ABCB11: variants seen among roughly 807,000 people sequenced by gnomAD.
ABCB11 encodes ATP binding cassette subfamily B member 11, also known as bile salt export pump.
Under a neutral mutation model 148.0 loss-of-function variants are expected in ABCB11, and 95 were observed. The observed-to-expected ratio is 0.64, with a 90% CI of 0.54 to 0.76. The LOEUF is 0.76. Ranked by LOEUF, ABCB11 falls within the 30% of genes least tolerant of loss-of-function variation. The probability of loss-of-function intolerance (pLI) is 0.00; values close to 1 mark genes in which losing one functional copy is unlikely to be tolerated. For missense variants in ABCB11, 1,523 were observed against 1,617.8 expected (o/e 0.94, Z 1.01); for synonymous variants, 591 against 555.4 (o/e 1.06, Z -0.90).
chr2:168,976,707 G>A lies in ABCB11; in HGVS notation c.1198-20C>T. 6.7e-7 allele frequency: 1 copy of A among 1,488,978 alleles called. No individual in the cohort carries two copies. Among genetic ancestry groups the A allele is most frequent in the Non-Finnish European group, 9.4e-7 (1 of 1,068,122 alleles). The allele number at this position is 1,488,978 out of a possible 1,614,324, so 92.2% of individuals were successfully genotyped here. On this transcript the variant is annotated intron_variant, in intron 11 of 27. Transcript: ENST00000650372. ...GGGTTTCTGGAGTGAAATACAAAAG[G>A]GACACAGTGTAAACTCAAACTAAGA...
intron 21 of ABCB11, among the ~76,000 whole-genome samples, chr2:168,937,690 G>A (rs1261946174): frequency 6.6e-6 from 1 of 152,138 alleles, no homozygotes; most frequent in Non-Finnish European, 1.5e-5. Flanking sequence ...GAAGATTAAT[G>A]CTTGCTCTAT....
intron 1 of ABCB11, among the ~76,000 whole-genome samples, chr2:169,028,438 G>A (rs1695765355): frequency 6.6e-6 from 1 of 152,062 alleles, no homozygotes; most frequent in African/African-American, 2.4e-5. Flanking sequence ...TTGAAGATGA[G>A]AGCAAGTTTT....
At chr2:169,018,230 C>G in intron 1 of ABCB11, 78 bp from the exon 2 acceptor site, 1 of 1,302,716 alleles carries the variant, frequency 7.7e-7, no homozygotes, top group Non-Finnish European at 1.1e-6. Flanking sequence ...AACGAAAGAA[C>G]AATTTGGTTC....
chr2:168,969,832 T>C (rs1693491865), intron 15 of ABCB11, among the ~76,000 whole-genome samples: 2 of 152,070 alleles, frequency 1.3e-5, no homozygotes, highest in African/African-American at 4.8e-5. Flanking sequence ...AACTTTTACA[T>C]GTGTAGCTTT....
chr2:168,943,109 A>G (rs1470342242), intron 21 of ABCB11, among the ~76,000 whole-genome samples: 2 of 151,948 alleles, frequency 1.3e-5, no homozygotes, highest in Non-Finnish European at 2.9e-5. Flanking sequence ...AGATAATTAG[A>G]TGCTACTCTC....
intron 18 of ABCB11, among the ~76,000 whole-genome samples, chr2:168,961,012 T>C (rs1476445657): frequency 1.3e-5 from 2 of 151,718 alleles, no homozygotes; most frequent in African/African-American, 2.4e-5. Flanking sequence ...AGCAGCTCCA[T>C]AGTAGGGAGA....
intron 23 of ABCB11, among the ~76,000 whole-genome samples, chr2:168,934,703 C>T (rs939927762): frequency 3.3e-5 from 5 of 152,144 alleles, no homozygotes; most frequent in Admixed American, 6.5e-5. Context: ...TTATAAACAA[C>T]GATCATATTA....
intron 17 of ABCB11, among the ~76,000 whole-genome samples, chr2:168,967,273 C>T (rs1391293853): frequency 1.3e-5 from 2 of 151,766 alleles, no homozygotes; most frequent in African/African-American, 2.4e-5. Context: ...GAAGCTATTG[C>T]TTTGTTATTT....
chr2:168,952,566 TTC>T (rs1274384206), intron 19 of ABCB11, among the ~76,000 whole-genome samples: 1 of 151,476 alleles, frequency 6.6e-6, no homozygotes, highest in Non-Finnish European at 1.5e-5. Flanking sequence ...TTATAATATC[TTC>T]TTTTTCATTT....
intron 5 of ABCB11, among the ~76,000 whole-genome samples, chr2:169,002,132 C>G (rs548279315): frequency 5.3e-5 from 8 of 152,098 alleles, no homozygotes; most frequent in African/African-American, 1.9e-4. Flanking sequence ...TAATATCAGA[C>G]AAAATGGACT....
At chr2:168,939,224 T>A (rs540916584) in intron 21 of ABCB11, among the ~76,000 whole-genome samples, 1 of 151,672 alleles carries the variant, frequency 6.6e-6, no homozygotes, top group African/African-American at 2.4e-5. Context: ...AAAGAGTATA[T>A]AATTAAAAAA....
At chr2:168,961,867 A>G (rs1335093020) in intron 18 of ABCB11, among the ~76,000 whole-genome samples, 1 of 151,728 alleles carries the variant, frequency 6.6e-6, no homozygotes, top group Admixed American at 6.6e-5. Context: ...TAGCACCGTA[A>G]GAGAGTATTT....
At chr2:169,010,614 G>A (rs1364674698) in intron 5 of ABCB11, among the ~76,000 whole-genome samples, 3 of 152,096 alleles carry the variant, frequency 2.0e-5, no homozygotes, top group Non-Finnish European at 2.9e-5. Context: ...CTTTTTCCAC[G>A]AAAGAAACCT....
chr2:168,991,422 A>C (rs1694517647), intron 8 of ABCB11, among the ~76,000 whole-genome samples: 2 of 152,100 alleles, frequency 1.3e-5, no homozygotes, highest in Non-Finnish European at 2.9e-5. Context: ...TCAGTTGGAG[A>C]CGCTCAACTA....
intron 21 of ABCB11, among the ~76,000 whole-genome samples, chr2:168,936,874 TA>T (rs1334091300): frequency 1.3e-5 from 2 of 152,142 alleles, no homozygotes; most frequent in Non-Finnish European, 2.9e-5. Flanking sequence ...CATTCCTTTT[TA>T]TTTTTATTTT....
intron 5 of ABCB11, among the ~76,000 whole-genome samples, chr2:169,006,083 C>T (rs1325944411): frequency 6.6e-6 from 1 of 152,074 alleles, no homozygotes; most frequent in Non-Finnish European, 1.5e-5. Context: ...CAGGCAAAGA[C>T]ATTATAAGAG....
intron 5 of ABCB11, among the ~76,000 whole-genome samples, chr2:169,010,353 A>C (rs1401877640): frequency 6.6e-6 from 1 of 152,178 alleles, no homozygotes; most frequent in East Asian, 1.9e-4. Flanking sequence ...CTGATAAGCT[A>C]ATCAAGAGAC....
chr2:168,986,700 A>G (rs1694339300), intron 9 of ABCB11, among the ~76,000 whole-genome samples: 4 of 152,114 alleles, frequency 2.6e-5, no homozygotes. Flanking sequence ...CCAGCTCCCC[A>G]GGCTTGGAAC....
intron 5 of ABCB11, among the ~76,000 whole-genome samples, chr2:169,002,134 A>G (rs76923175): frequency 0.015 from 2,266 of 152,304 alleles, 53 homozygotes; most frequent in African/African-American, 0.052. Context: ...ATATCAGACA[A>G]AATGGACTTT....
Sources: allele counts gnomAD v4.1 joint callset (sites outside exome capture counted in the v4.1 genomes callset), GRCh38; gene constraint gnomAD v4.1.1; transcripts MANE v1.5; gene names NCBI Gene and HGNC (gene_info 2026-07-23, HGNC 2026-07-21).